The following WHRN variants were observed in gnomAD, a reference collection of about 807,000 sequenced individuals.
The protein encoded by WHRN is whirlin.
Under a neutral mutation model 68.3 loss-of-function variants are expected in WHRN, and 41 were observed. That is an observed-to-expected ratio of 0.60 (90% CI 0.47 to 0.78). The LOEUF (loss-of-function observed/expected upper bound fraction) is 0.78. WHRN is among the 30% of genes least tolerant of loss of function. WHRN has a pLI of 0.00. For synonymous variants in WHRN, 560 were observed against 561.3 expected (o/e 1.00, Z 0.03); for missense variants, 1,243 against 1,244.7 (o/e 1.00, Z 0.02).
intron 8 of WHRN, among the ~76,000 whole-genome samples, chr9:114,407,659 G>T (rs78439564): frequency 6.6e-6 from 1 of 151,256 alleles, no homozygotes; most frequent in Non-Finnish European, 1.5e-5. Flanking sequence ...CTTTACCGAC[G>T]GGGAAACTGA....
At chr9:114,403,085 G>C (rs1180693453) in intron 11 of WHRN, 132 bp downstream of exon 11, 30 of 1,542,204 alleles carry the variant, frequency 1.9e-5, no homozygotes, top group Non-Finnish European at 2.7e-5. Context: ...GCCCGGAAGA[G>C]CAAAGGTGAC....
chr9:114,424,632 CTGTCTAAGTGTGG>C, intron 5 of WHRN, 86 bp from the exon 6 acceptor site: 1 of 1,412,030 alleles, frequency 7.1e-7, no homozygotes, highest in South Asian at 1.2e-5. Context: ...CCCTTCCATC[CTGTCTAAGTGTGG>C]TGTTTCATCT....
intron 3 of WHRN, among the ~76,000 whole-genome samples, chr9:114,462,501 A>C (rs7851906): frequency 6.6e-6 from 1 of 152,052 alleles, no homozygotes; most frequent in African/African-American, 2.4e-5. Context: ...CCAGGGCTCC[A>C]GTCCTTCCCT....
Position 114,425,862 on chromosome 9 carries a change from CTCTT to C in WHRN, c.1166+345_1166+348del, listed in dbSNP as rs1589112181. Reference sequence around the variant, plus strand: ...GCCAAATACACCCCAAAGCATCTCTCTCTTTCCCTCTCCCTCCCTCTCTTTCATC... The same window carrying C: ...GCCAAATACACCCCAAAGCATCTCTCTCCCTCTCCCTCCCTCTCTTTCATC... On this transcript the variant is annotated intron_variant, in intron 4 of 11. Transcript: ENST00000362057. 1.1e-5 allele frequency: 4 copies of C among 380,306 alleles called. No homozygotes were observed. The East Asian group carries it at 2.5e-4, about 24-fold the overall frequency. 23.6% of individuals were successfully genotyped at this position (380,306 alleles called of 1,614,324 possible).
intron 3 of WHRN, among the ~76,000 whole-genome samples, chr9:114,437,625 G>A (rs1317014181): frequency 6.6e-6 from 1 of 152,148 alleles, no homozygotes; most frequent in African/African-American, 2.4e-5. Context: ...TTTATAAGAA[G>A]AACAAGAGAC....
At chr9:114,490,361 C>A (rs1842880903) in intron 1 of WHRN, among the ~76,000 whole-genome samples, 1 of 152,148 alleles carries the variant, frequency 6.6e-6, no homozygotes, top group Non-Finnish European at 1.5e-5. Context: ...TGTATGATGT[C>A]CAGTTAGAAG....
At chr9:114,454,167 A>C (rs1456796289) in intron 3 of WHRN, among the ~76,000 whole-genome samples, 1 of 152,250 alleles carries the variant, frequency 6.6e-6, no homozygotes, top group Non-Finnish European at 1.5e-5. Flanking sequence ...AACATACTTC[A>C]TGGTGAAAAA....
Position 114,504,211 on chromosome 9 carries a change from G to C in WHRN, c.591C>G (p.Ala197=). 6.2e-7 allele frequency: 1 copy of C among 1,614,142 alleles called. No homozygotes were observed. The highest frequency in any genetic ancestry group is 8.5e-7 in the Non-Finnish European group (1 of 1,180,034). ...QILRVNDKSL[A]RVTHAEAVKA... The stretch of plus-strand genomic sequence containing the variant: ...TGACGGCCTCCGCGTGGGTCACCCG[G>C]GCCAGGGATTTGTCGTTGACGCGCA... The change falls in exon 1 of 12, where the codon GCC becomes GCG. Residue 197 remains alanine (A), a synonymous_variant. Transcript: ENST00000362057.
intron 9 of WHRN, 113 bp downstream of exon 9, chr9:114,406,242 C>A: frequency 6.8e-7 from 1 of 1,479,962 alleles, no homozygotes; most frequent in Non-Finnish European, 9.3e-7. Flanking sequence ...CACTCTGGCC[C>A]TGAGCCCCCT....
chr9:114,415,058 A>G (rs1835713746), intron 7 of WHRN, among the ~76,000 whole-genome samples: 1 of 152,178 alleles, frequency 6.6e-6, no homozygotes, highest in African/African-American at 2.4e-5. Flanking sequence ...GCACTTTGAG[A>G]GGCCAAGGCG....
chr9:114,455,613 C>T (rs1484071969), intron 3 of WHRN, among the ~76,000 whole-genome samples: 3 of 149,652 alleles, frequency 2.0e-5, no homozygotes, highest in African/African-American at 2.5e-5. Context: ...ACTAGGAAGG[C>T]GGAGGTGAGA....
intron 2 of WHRN, among the ~76,000 whole-genome samples, chr9:114,471,454 T>C (rs1029383700): frequency 5.3e-5 from 8 of 152,150 alleles, no homozygotes; most frequent in African/African-American, 1.9e-4. Context: ...ATTTAACCAA[T>C]GCACCACACT....
chr9:114,495,573 A>C (rs1843384589), intron 1 of WHRN, among the ~76,000 whole-genome samples: 1 of 152,248 alleles, frequency 6.6e-6, no homozygotes, highest in South Asian at 2.1e-4. Context: ...ATACACTAAA[A>C]GGAGGCACAG....
At chr9:114,424,819 C>T (rs1836667704) in intron 5 of WHRN, among the ~76,000 whole-genome samples, 169 bp downstream of exon 5, 1 of 152,148 alleles carries the variant, frequency 6.6e-6, no homozygotes, top group South Asian at 2.1e-4. Flanking sequence ...AGAGGTAGTG[C>T]CCAGAACCTA....
intron 7 of WHRN, among the ~76,000 whole-genome samples, chr9:114,417,777 T>C (rs1835925715): frequency 6.6e-6 from 1 of 152,244 alleles, no homozygotes; most frequent in Non-Finnish European, 1.5e-5. Context: ...TTTCTCTCTC[T>C]GGAGGAATGC....
intron 3 of WHRN, among the ~76,000 whole-genome samples, chr9:114,449,651 G>C (rs565861675): frequency 6.6e-6 from 1 of 152,322 alleles, no homozygotes; most frequent in African/African-American, 2.4e-5. Context: ...CTGGGGGCGG[G>C]TGGGGAGCAG....
intron 3 of WHRN, among the ~76,000 whole-genome samples, chr9:114,448,540 A>G (rs1003632538): frequency 6.6e-6 from 1 of 152,314 alleles, no homozygotes; most frequent in South Asian, 2.1e-4. Context: ...GCTTTAAACA[A>G]GAAAGCCCAG....
Position 114,402,642 on chromosome 9 carries a change from T to A in WHRN, c.*112A>T. ...CTGGGATGGAGGGGGGATGTCTTCCTGCCACCCTGGCCATGCAGCCCCAAC... is the reference window on the plus strand; with the variant it reads ...CTGGGATGGAGGGGGGATGTCTTCCAGCCACCCTGGCCATGCAGCCCCAAC... On this transcript the variant is annotated 3_prime_UTR_variant, in exon 12 of 12. Coordinates refer to ENST00000362057, the MANE Select transcript of WHRN (RefSeq NM_015404.4). 1.5e-6 allele frequency: 2 copies of A among 1,374,394 alleles called. No homozygotes were observed. The highest frequency in any genetic ancestry group is 2.1e-6 in the Non-Finnish European group (2 of 974,114). 85.1% of individuals were successfully genotyped at this position (1,374,394 alleles called of 1,614,324 possible).
rs1203399808 is a variant in WHRN, at chr9:114,424,990, T to G, written c.1201A>C (p.Lys401Gln). 6.2e-7 allele frequency: 1 copy of G among 1,614,138 alleles called. No individual in the cohort carries two copies. The highest frequency in any genetic ancestry group is 1.1e-5 in the South Asian group (1 of 91,086). Residue 401 changes from lysine (K) to glutamine (Q), a missense_variant and splice_region_variant, in exon 5 of 12, where the codon AAG (lysine) becomes CAG (glutamine). Coordinates refer to ENST00000362057, the MANE Select transcript of WHRN (RefSeq NM_015404.4). Reference protein sequence around the residue: ...LGDLTTEGINKPGFYKGPAGS... With the variant: ...LGDLTTEGINQPGFYKGPAGS... ...ATACCCCTTAGAGGATGTCCTACCTTGTTTATTCCTTCTGTTGTGAGATCG... is the reference window on the plus strand; with the variant it reads ...ATACCCCTTAGAGGATGTCCTACCTGGTTTATTCCTTCTGTTGTGAGATCG...
Sources: gnomAD v4.1 joint callset for allele counts (sites outside exome capture counted in the v4.1 genomes callset) on GRCh38, gnomAD v4.1.1 for gene constraint, MANE v1.5 for transcripts, NCBI Gene and HGNC (gene_info 2026-07-23, HGNC 2026-07-21) for gene names.